The following CCZ1 variants were observed in gnomAD, a reference collection of about 807,000 sequenced individuals.
The protein encoded by CCZ1 is vacuolar fusion protein CCZ1 homolog.
A neutral mutation model predicts 57.8 loss-of-function variants in CCZ1; 19 were observed. The ratio of observed to expected loss-of-function variants is 0.33; its 90% CI spans 0.23 to 0.48. The LOEUF is 0.48. Among genes scored for constraint, CCZ1 ranks in the 20% least tolerant of loss-of-function variants. The pLI is 0.99. For synonymous variants in CCZ1, 81 were observed against 167.0 expected (o/e 0.49, Z 3.97); for missense variants, 200 against 492.0 (o/e 0.41, Z 5.61).
At chr7:5,901,736 C>A in intron 5 of CCZ1, 32 bp downstream of exon 5, 4 of 1,597,164 alleles carry the variant, frequency 2.5e-6, no homozygotes, top group South Asian at 1.1e-5. Context: ...AACTCAGAGT[C>A]CAGCCACTTA....
rs189954068 is a variant in CCZ1, at chr7:5,914,601, C to A, written c.954+1647C>A. ...GACAAAAGAAAGACATTAGCCAGGG[C>A]ATGGTGGCTCATGCCTATATCCCAA... On this transcript the variant is annotated intron_variant, in intron 10 of 14. Coordinates refer to ENST00000325974, the MANE Select transcript of CCZ1 (RefSeq NM_015622.6). Among the ~76,000 whole-genome samples, 385 of 149,226 alleles carry A rather than the reference C, an allele frequency of 2.6e-3. 27 individuals are homozygous for A. The highest frequency in any genetic ancestry group is 9.2e-3 in the African/African-American group (370 of 40,380).
At chr7:5,903,835 A>T (rs1343811205) in intron 6 of CCZ1, among the ~76,000 whole-genome samples, 1 of 146,404 alleles carries the variant, frequency 6.8e-6, no homozygotes, top group African/African-American at 2.6e-5. Flanking sequence ...CTACTAAAAA[A>T]TACCAAAAAA....
intron 4 of CCZ1, chr7:5,901,313 T>C: frequency 5.8e-6 from 1 of 171,392 alleles, no homozygotes; most frequent in South Asian, 1.2e-4. Context: ...GGCGGAACCC[T>C]GTCTCTACTA....
At chr7:5,908,868 CTCTT>C (rs1792590574) in intron 7 of CCZ1, among the ~76,000 whole-genome samples, 1 of 147,480 alleles carries the variant, frequency 6.8e-6, no homozygotes, top group Non-Finnish European at 1.5e-5. Context: ...TCTCCTCCTC[CTCTT>C]TCTTCACCGA....
At chr7:5,906,999 C>G (rs1781844666) in intron 7 of CCZ1, among the ~76,000 whole-genome samples, 2 of 149,000 alleles carry the variant, frequency 1.3e-5, no homozygotes, top group Admixed American at 1.3e-4. Flanking sequence ...TCCCGAGTAG[C>G]TGGGATTACA....
intron 8 of CCZ1, 106 bp downstream of exon 8, chr7:5,910,222 T>C: frequency 2.0e-6 from 2 of 998,908 alleles, no homozygotes; most frequent in South Asian, 1.5e-5. Flanking sequence ...TTCTGATGTA[T>C]GTTTTGTCTT....
Position 5,920,470 on chromosome 7 carries a change from C to CTTTTTTTTTTTTTTT in CCZ1, c.1106+507_1106+521dup, listed in dbSNP as rs200899553. ...ATGTCCTTGAATTCTTTCTCCCTGGCTTTTTTTTTTTTTTTTTGAGACAAA... is the reference window on the plus strand; with the variant it reads ...ATGTCCTTGAATTCTTTCTCCCTGGCTTTTTTTTTTTTTTTTTTTTTTTTTTTTTTTTGAGACAAA... On this transcript the variant is annotated intron_variant, in intron 12 of 14. Coordinates refer to ENST00000325974, the MANE Select transcript of CCZ1 (RefSeq NM_015622.6). Among the ~76,000 whole-genome samples, 111 of 95,946 alleles carry CTTTTTTTTTTTTTTT rather than the reference C, an allele frequency of 1.2e-3. 2 individuals are homozygous for CTTTTTTTTTTTTTTT. Among genetic ancestry groups the CTTTTTTTTTTTTTTT allele is most frequent in the East Asian group, 3.2e-3 (12 of 3,738 alleles). 62.9% of individuals were successfully genotyped at this position (95,946 alleles called of 152,430 possible). A position where few individuals can be genotyped will look rare whatever the true frequency, so the allele number is the denominator to read the frequency against.
chr7:5,901,748 C>T (rs1252236138), intron 5 of CCZ1, 44 bp downstream of exon 5: 2 of 1,593,116 alleles, frequency 1.3e-6, no homozygotes, highest in African/African-American at 2.8e-5. Context: ...AGCCACTTAC[C>T]CCTATCTCTA....
At chr7:5,899,377 GTGTGTGGT>G (rs1385449532) in intron 1 of CCZ1, among the ~76,000 whole-genome samples, 1,126 of 93,002 alleles carry the variant, frequency 0.012, 5 homozygotes, top group African/African-American at 0.026. Context: ...GTGTGTGTGT[GTGTGTGGT>G]TTTTCTGAGG....
At position 5,912,124 on chromosome 7, in the gene CCZ1, C is replaced by T. The variant is rs1048305188; in HGVS notation, c.842+202C>T. Among the ~76,000 whole-genome samples, 5 of 147,506 alleles carry T rather than the reference C, an allele frequency of 3.4e-5. No homozygotes were observed. The South Asian group carries it at 1.1e-3, about 32-fold the overall frequency. ...CATGAGCCACTATGCCTGGGTAATT[C>T]ATTTTGTATTTTTAGTAGAAACAGG... On this transcript the variant is annotated intron_variant, in intron 9 of 14. Transcript: ENST00000325974.
At chr7:5,912,779 G>T (rs1382151416) in intron 9 of CCZ1, 64 bp from the exon 10 acceptor site, 1 of 1,092,102 alleles carries the variant, frequency 9.2e-7, no homozygotes, top group African/African-American at 1.6e-5. Flanking sequence ...AGTGTGTTCT[G>T]TTTCTAGATT....
intron 7 of CCZ1, among the ~76,000 whole-genome samples, chr7:5,909,516 C>T (rs564798983): frequency 8.8e-5 from 13 of 147,628 alleles, no homozygotes; most frequent in African/African-American, 3.0e-4. Context: ...AGCCTGGCAA[C>T]GTAGCAAGAC....
chr7:5,899,334 G>GGTGTGT (rs869199583), intron 1 of CCZ1, among the ~76,000 whole-genome samples: 54 of 12,550 alleles, frequency 4.3e-3, no homozygotes, highest in South Asian at 0.01. Flanking sequence ...TCGGGAGGGG[G>GGTGTGT]GTGTGTGTGT....
chr7:5,904,201 T>C (rs1401250603), intron 6 of CCZ1, among the ~76,000 whole-genome samples: 1 of 133,728 alleles, frequency 7.5e-6, no homozygotes, highest in Non-Finnish European at 1.6e-5. Flanking sequence ...CAAGTGATTC[T>C]CCTGTCTCAG....
intron 6 of CCZ1, 69 bp from the exon 7 acceptor site, chr7:5,905,025 T>C: frequency 1.6e-6 from 2 of 1,222,974 alleles, no homozygotes; most frequent in Non-Finnish European, 2.3e-6. Context: ...AAGATTATTT[T>C]CAGTTATCAA....
chr7:5,900,031 T>A (rs1454409197), intron 1 of CCZ1, among the ~76,000 whole-genome samples: 2 of 105,832 alleles, frequency 1.9e-5, no homozygotes, highest in Admixed American at 2.6e-4. Flanking sequence ...ATTCCTGTTC[T>A]TCTTCTTATT....
Position 5,900,886 on chromosome 7 carries a change from G to A in CCZ1, c.344G>A (p.Ser115Asn). ...CGGAATCCTATAATTGAAAAACAGAGTAAAGATGGAAAACCAGTTATTGAA... is the reference window on the plus strand; with the variant it reads ...CGGAATCCTATAATTGAAAAACAGAATAAAGATGGAAAACCAGTTATTGAA... ...VVRNPIIEKQ[S>N]KDGKPVIEYQ... Residue 115 changes from serine (S) to asparagine (N), a missense_variant, in exon 4 of 15, where the codon AGT becomes AAT. Ser to Asn is a conservative substitution (Grantham distance 46). Around this residue, in one of 5 missense-constraint regions of CCZ1, gnomAD observed 44 missense variants for 122.8 expected, o/e 0.36. Coordinates refer to ENST00000325974, the MANE Select transcript of CCZ1 (RefSeq NM_015622.6). 2 of 1,458,622 alleles carry A rather than the reference G, an allele frequency of 1.4e-6. No homozygotes were observed. The highest frequency in any genetic ancestry group is 4.7e-5 in the East Asian group (2 of 42,178). 90.4% of individuals were successfully genotyped at this position (1,458,622 alleles called of 1,614,324 possible).
chr7:5,914,159 T>A lies in CCZ1; in HGVS notation c.954+1205T>A, dbSNP rs941627941. 2.0e-5 allele frequency among the ~76,000 whole-genome samples: 3 copies of A among 147,736 alleles called. 1 individual carries two copies. The East Asian group carries it at 6.9e-4, about 34-fold the overall frequency. ...AAGAGTTGTATCTATTAATATAAAA[T>A]TGAAATGGGCCAGGTGCAGTCCCAG... On this transcript the variant is annotated intron_variant, in intron 10 of 14. Transcript: ENST00000325974.
intron 7 of CCZ1, among the ~76,000 whole-genome samples, chr7:5,907,261 T>C (rs1297466183): frequency 6.7e-6 from 1 of 149,388 alleles, no homozygotes; most frequent in South Asian, 2.2e-4. Context: ...GTTACTAAAG[T>C]GAAATTCTGC....
Sources: gnomAD v4.1 joint callset for allele counts (sites outside exome capture counted in the v4.1 genomes callset) on GRCh38, gnomAD v4.1.1 for gene constraint, gnomAD v4.1.1 regional missense constraint, MANE v1.5 for transcripts, NCBI Gene and HGNC (gene_info 2026-07-23, HGNC 2026-07-21) for gene names.